Variants in MAN1A1 observed in about 807,000 individuals in gnomAD.
MAN1A1 encodes mannosidase alpha class 1A member 1, also known as mannosyl-oligosaccharide 1,2-alpha-mannosidase IA.
MAN1A1 carries 29 observed loss-of-function variants against 70.8 expected under a neutral mutation model. The observed-to-expected ratio is 0.41, with a 90% CI of 0.31 to 0.56. The LOEUF is 0.56. Among genes scored for constraint, MAN1A1 ranks in the 20% least tolerant of loss-of-function variants. The pLI, the probability that MAN1A1 is intolerant of heterozygous loss-of-function variation, is 0.29. For missense variants in MAN1A1, 747 were observed against 841.3 expected (o/e 0.89, Z 1.39); for synonymous variants, 349 against 330.1 (o/e 1.06, Z -0.62).
intron 5 of MAN1A1, among the ~76,000 whole-genome samples, chr6:119,284,335 A>C (rs1189828837): frequency 2.0e-5 from 3 of 152,130 alleles, no homozygotes; most frequent in Admixed American, 6.5e-5. Flanking sequence ...ACACTATATA[A>C]AAACATGCCT....
In MAN1A1 at chr6:119,260,041, A is replaced by G. The variant is rs536635895; in HGVS notation, c.898-11687T>C. Reference sequence around the variant, plus strand: ...TACTATTTCATAATGTTTTAAACCCATCCCTACCAATTTAATCTACATTGT... The same window carrying G: ...TACTATTTCATAATGTTTTAAACCCGTCCCTACCAATTTAATCTACATTGT... On this transcript the variant is annotated intron_variant, in intron 5 of 12. Transcript: ENST00000368468. 8.3e-4 allele frequency among the ~76,000 whole-genome samples: 127 copies of G among 152,308 alleles called. 4 individuals are homozygous for G. The South Asian group carries it at 0.025, about 30-fold the overall frequency.
intron 4 of MAN1A1, 82 bp from the exon 5 acceptor site, chr6:119,290,845 A>C: frequency 1.1e-6 from 1 of 872,374 alleles, no homozygotes; most frequent in East Asian, 2.5e-5. Flanking sequence ...TAAATACTTA[A>C]ATTTTGTTCA....
At chr6:119,321,780 G>A (rs913812669) in intron 2 of MAN1A1, among the ~76,000 whole-genome samples, 2 of 151,842 alleles carry the variant, frequency 1.3e-5, no homozygotes, top group African/African-American at 4.8e-5. Context: ...ACCATGCCTC[G>A]CTAATTTTTA....
At chr6:119,250,640 T>TTCTCTC (rs200102344) in intron 5 of MAN1A1, among the ~76,000 whole-genome samples, 5 of 105,164 alleles carry the variant, frequency 4.8e-5, no homozygotes, top group African/African-American at 1.8e-4. Flanking sequence ...CTCTCTCTTG[T>TTCTCTC]TCTCTCTCTG....
chr6:119,275,400 G>A (rs1157823919), intron 5 of MAN1A1, among the ~76,000 whole-genome samples: 2 of 128,314 alleles, frequency 1.6e-5, no homozygotes, highest in Admixed American at 8.6e-5. Flanking sequence ...TCCGCCTCCC[G>A]GGTTCACGCC....
intron 11 of MAN1A1, among the ~76,000 whole-genome samples, chr6:119,185,827 C>T (rs1029087928): frequency 2.7e-5 from 4 of 149,278 alleles, no homozygotes; most frequent in Non-Finnish European, 5.9e-5. Flanking sequence ...TCATGATCCA[C>T]CCACTTTGGC....
chr6:119,300,479 C>T lies in MAN1A1; in HGVS notation c.816+1509G>A, dbSNP rs184673037. ...CCATGTTGGCCAGGCTGGTCTCAAA[C>T]TCCTGACATCGTGATCCAACTGCCT... On this transcript the variant is annotated intron_variant, in intron 4 of 12. Transcript: ENST00000368468. Among the ~76,000 whole-genome samples the T allele has an allele frequency of 5.6e-4, 85 of 152,204 alleles. 1 individual carries two copies. The East Asian group carries it at 0.013, about 24-fold the overall frequency.
rs140134412 is a variant in MAN1A1, at chr6:119,236,849, T to A, written c.992+11411A>T. 3.0e-3 allele frequency among the ~76,000 whole-genome samples: 450 copies of A among 152,318 alleles called. 2 individuals carry two copies. In the Middle Eastern group the frequency reaches 0.031, roughly 10 times the overall value. ...AAATTGAAAGCCTTCTGGAAAAGAT[T>A]TGCCATTATAGATGCCATTAAGAAC... On this transcript the variant is annotated intron_variant, in intron 6 of 12. Transcript: ENST00000368468.
At chr6:119,279,097 G>GAC (rs1776158911) in intron 5 of MAN1A1, among the ~76,000 whole-genome samples, 1 of 151,890 alleles carries the variant, frequency 6.6e-6, no homozygotes, top group Non-Finnish European at 1.5e-5. Context: ...CCTAGATTAT[G>GAC]ACATCACTTA....
Position 119,349,690 on chromosome 6 carries a change from G to A in MAN1A1, c.-371C>T. 1 of 985,896 alleles carries A rather than the reference G, an allele frequency of 1.0e-6. No individual in the cohort carries two copies. The highest frequency in any genetic ancestry group is 1.2e-6 in the Non-Finnish European group (1 of 830,056). The allele number at this position is 985,896 out of a possible 1,614,324, so 61.1% of individuals were successfully genotyped here. A position where few individuals can be genotyped will look rare whatever the true frequency, so the allele number is the denominator to read the frequency against. On this transcript the variant is annotated 5_prime_UTR_variant, in exon 1 of 13. Transcript: ENST00000368468. ...GCCCCGGCGCGGCTCAGGTGGGCGAGCGCGCCGACCTGCGGGCGAATGGCA... is the reference window on the plus strand; with the variant it reads ...GCCCCGGCGCGGCTCAGGTGGGCGAACGCGCCGACCTGCGGGCGAATGGCA...
At chr6:119,348,354 C>A in intron 2 of MAN1A1, 109 bp downstream of exon 2, 1 of 1,120,382 alleles carries the variant, frequency 8.9e-7, no homozygotes. Context: ...GGGCAAACCT[C>A]CATCTCCCCA....
chr6:119,313,518 C>T (rs1294769484), intron 2 of MAN1A1, among the ~76,000 whole-genome samples: 2 of 152,218 alleles, frequency 1.3e-5, no homozygotes, highest in East Asian at 3.9e-4. Context: ...TCAAGGTGTT[C>T]TATTTTCAAG....
intron 2 of MAN1A1, among the ~76,000 whole-genome samples, chr6:119,345,931 C>A (rs1490261114): frequency 6.6e-6 from 1 of 152,240 alleles, no homozygotes; most frequent in East Asian, 1.9e-4. Flanking sequence ...CATGGTGAAA[C>A]CCCGTCTCTA....
chr6:119,192,766 A>T (rs1314804924), intron 9 of MAN1A1, among the ~76,000 whole-genome samples: 1 of 152,218 alleles, frequency 6.6e-6, no homozygotes, highest in African/African-American at 2.4e-5. Flanking sequence ...TAAAATACTT[A>T]ATCGCAAAAG....
At chr6:119,323,530 C>T (rs17081031) in intron 2 of MAN1A1, among the ~76,000 whole-genome samples, 1 of 151,970 alleles carries the variant, frequency 6.6e-6, no homozygotes, top group Non-Finnish European at 1.5e-5. Flanking sequence ...TAATGATGAA[C>T]AACTGCAGGT....
intron 5 of MAN1A1, 70 bp downstream of exon 5, chr6:119,290,613 G>A (rs369956992): frequency 2.0e-6 from 2 of 1,002,454 alleles, no homozygotes; most frequent in African/African-American, 1.6e-5. Context: ...TGTCACGAAT[G>A]GCATATTTTA....
intron 7 of MAN1A1, among the ~76,000 whole-genome samples, chr6:119,202,712 T>C (rs924509162): frequency 6.6e-6 from 1 of 152,178 alleles, no homozygotes; most frequent in Non-Finnish European, 1.5e-5. Flanking sequence ...GTCAACTCCA[T>C]TATAAACTTA....
chr6:119,198,893 A>G (rs937624694), intron 8 of MAN1A1, among the ~76,000 whole-genome samples: 13 of 152,260 alleles, frequency 8.5e-5, no homozygotes, highest in Non-Finnish European at 1.9e-4. Flanking sequence ...ATATTACAAC[A>G]ATAGTCAACA....
chr6:119,208,095 A>G (rs891419106), intron 6 of MAN1A1, among the ~76,000 whole-genome samples: 1 of 152,196 alleles, frequency 6.6e-6, no homozygotes, highest in East Asian at 1.9e-4. Context: ...AATATTACCA[A>G]TCTTGTTACA....
Sources: allele counts gnomAD v4.1 joint callset (sites outside exome capture counted in the v4.1 genomes callset), GRCh38; gene constraint gnomAD v4.1.1; transcripts MANE v1.5; gene names NCBI Gene and HGNC (gene_info 2026-07-23, HGNC 2026-07-21).